Variants in PARD3 observed in about 807,000 individuals in gnomAD.
PARD3 encodes the protein partitioning defective 3 homolog.
In PARD3, 75 loss-of-function variants were observed where a neutral mutation model predicts 155.4. That is an observed-to-expected ratio of 0.48 (90% confidence interval 0.40 to 0.58). PARD3 has a LOEUF of 0.58. PARD3 is among the 20% of genes least tolerant of loss of function. The probability of loss-of-function intolerance (pLI) is 0.00; values close to 1 mark genes in which losing one functional copy is unlikely to be tolerated. For missense variants in PARD3, 1,642 were observed against 1,721.7 expected, an observed-to-expected ratio of 0.95 and a Z score of 0.82; for synonymous variants, 576 against 610.5, an observed-to-expected ratio of 0.94 and a Z score of 0.83.
chr10:34,679,170 C>T (rs147321946), intron 2 of PARD3, among the ~76,000 whole-genome samples: 1 of 152,282 alleles, frequency 6.6e-6, no homozygotes, highest in East Asian at 1.9e-4. Flanking sequence ...AAATGGAAAG[C>T]AGGTGGAAAA....
chr10:34,381,912 C>CAAAAAAAAAAAAAAAA (rs202053812), intron 9 of PARD3, among the ~76,000 whole-genome samples: 68 of 71,856 alleles, frequency 9.5e-4, no homozygotes, highest in East Asian at 1.5e-3. Flanking sequence ...GGCCCTGTCT[C>CAAAAAAAAAAAAAAAA]AAAAAAAAAA....
chr10:34,313,952 TAGAA>T (rs1212502627), intron 20 of PARD3, among the ~76,000 whole-genome samples: 2 of 152,088 alleles, frequency 1.3e-5, no homozygotes, highest in Admixed American at 6.5e-5. Context: ...AGCTACAAGA[TAGAA>T]AGAAAAGGAT....
At chr10:34,565,153 T>C (rs2134097924) in intron 2 of PARD3, among the ~76,000 whole-genome samples, 1 of 150,510 alleles carries the variant, frequency 6.6e-6, no homozygotes. Flanking sequence ...GATCATCTAG[T>C]AGCCAAGTAT....
intron 12 of PARD3, among the ~76,000 whole-genome samples, chr10:34,369,324 A>G (rs908023134): frequency 8.0e-5 from 12 of 150,764 alleles, no homozygotes; most frequent in Middle Eastern, 3.2e-3. Flanking sequence ...TTGTTTATTT[A>G]TTTATTTATT....
At chr10:34,600,717 C>T (rs1309749136) in intron 2 of PARD3, among the ~76,000 whole-genome samples, 1 of 152,178 alleles carries the variant, frequency 6.6e-6, no homozygotes, top group Non-Finnish European at 1.5e-5. Context: ...AGATGAAAGA[C>T]TCCTCCCCAA....
intron 22 of PARD3, among the ~76,000 whole-genome samples, chr10:34,223,265 C>G (rs569086309): frequency 1.8e-4 from 27 of 152,016 alleles, no homozygotes; most frequent in South Asian, 1.2e-3. Context: ...CAAAATGCCA[C>G]CAACAAGAGG....
Position 34,789,708 on chromosome 10 carries a change from C to T in PARD3, c.120+25168G>A, listed in dbSNP as rs74579421. On this transcript the variant is annotated intron_variant, in intron 1 of 24. Coordinates refer to ENST00000374788, the MANE Select transcript of PARD3 (RefSeq NM_001184785.2). ...AACAGAGCAAGATCCTGTTACCACC[C>T]GCCCCCCCAAAAAAATAAGCATTTG... Among the ~76,000 whole-genome samples the T allele has an allele frequency of 5.4e-3, 816 of 150,864 alleles. 6 individuals carry two copies. The highest frequency in any genetic ancestry group is 0.019 in the African/African-American group (786 of 40,984).
chr10:34,218,910 A>G (rs1952144702), intron 22 of PARD3, among the ~76,000 whole-genome samples: 2 of 152,310 alleles, frequency 1.3e-5, no homozygotes, highest in South Asian at 4.1e-4. Context: ...CAAGATTCCT[A>G]TTTTAAGATC....
At chr10:34,746,117 A>T (rs971459968) in intron 1 of PARD3, among the ~76,000 whole-genome samples, 1 of 151,764 alleles carries the variant, frequency 6.6e-6, no homozygotes, top group African/African-American at 2.4e-5. Flanking sequence ...ACAAAAAAGA[A>T]AAAAAAATTA....
At chr10:34,144,248 C>T (rs1278217638) in intron 22 of PARD3, among the ~76,000 whole-genome samples, 1 of 151,944 alleles carries the variant, frequency 6.6e-6, no homozygotes, top group Non-Finnish European at 1.5e-5. Context: ...TTTTAAAATG[C>T]TAAAAGCCTT....
chr10:34,222,280 A>T (rs570369797), intron 22 of PARD3, among the ~76,000 whole-genome samples: 42 of 152,302 alleles, frequency 2.8e-4, no homozygotes, highest in Non-Finnish European at 5.3e-4. Flanking sequence ...GTATGTATTA[A>T]CAGCTAGCAC....
intron 22 of PARD3, among the ~76,000 whole-genome samples, chr10:34,189,049 T>C (rs911488865): frequency 1.3e-5 from 2 of 152,192 alleles, no homozygotes; most frequent in Admixed American, 6.5e-5. Context: ...AGACATTTCT[T>C]GGCTGGGAGC....
Position 34,347,999 on chromosome 10 carries a change from C to T in PARD3, c.2184G>A (p.Ser728=), listed in dbSNP as rs140651483. 1.4e-5 allele frequency: 23 copies of T among 1,613,116 alleles called. No homozygotes were observed. Among genetic ancestry groups the T allele is most frequent in the East Asian group, 4.5e-5 (2 of 44,874 alleles). Residue 728 remains serine, a synonymous_variant, in exon 15 of 25, where the codon TCG becomes TCA. Transcript: ENST00000374788. ...TACTGAGGGCAGCATTTCTGCTGGG[C>T]GATTCATCAAGCCCCTCAATCCCAC... ...LYSGIEGLDE[S]PSRNAALSRI...
At chr10:34,768,532 A>G (rs1373533310) in intron 1 of PARD3, among the ~76,000 whole-genome samples, 1 of 152,188 alleles carries the variant, frequency 6.6e-6, no homozygotes, top group Admixed American at 6.5e-5. Flanking sequence ...TCAGATACAC[A>G]TTTATCTCTG....
chr10:34,136,650 G>A (rs1214189446), intron 22 of PARD3, among the ~76,000 whole-genome samples: 1 of 152,118 alleles, frequency 6.6e-6, no homozygotes, highest in Non-Finnish European at 1.5e-5. Flanking sequence ...CTCTGGTACA[G>A]GAGAAGAAAA....
intron 3 of PARD3, among the ~76,000 whole-genome samples, chr10:34,470,465 G>A (rs1290358396): frequency 6.6e-6 from 1 of 152,152 alleles, no homozygotes. Context: ...TCAAGTGTCG[G>A]CTCCGAGCAA....
At chr10:34,456,642 A>T (rs1415520229) in intron 4 of PARD3, among the ~76,000 whole-genome samples, 1 of 152,192 alleles carries the variant, frequency 6.6e-6, no homozygotes, top group Non-Finnish European at 1.5e-5. Context: ...AGGAGTAAGT[A>T]AAAAAATTTG....
chr10:34,639,429 C>A (rs766895124), intron 2 of PARD3, among the ~76,000 whole-genome samples: 13 of 152,004 alleles, frequency 8.6e-5, no homozygotes, highest in Non-Finnish European at 1.3e-4. Context: ...AAAAAAAACA[C>A]GTTTTTAAAC....
chr10:34,421,500 T>A (rs1447496397), intron 5 of PARD3, among the ~76,000 whole-genome samples: 1 of 151,962 alleles, frequency 6.6e-6, no homozygotes, highest in Non-Finnish European at 1.5e-5. Context: ...TTCATTCAAC[T>A]TAAAAGCACA....
Sources: gnomAD v4.1 joint callset for allele counts (sites outside exome capture counted in the v4.1 genomes callset) on GRCh38, gnomAD v4.1.1 for gene constraint, MANE v1.5 for transcripts, NCBI Gene and HGNC (gene_info 2026-07-23, HGNC 2026-07-21) for gene names.